The following ZFHX4 variants were observed in gnomAD, a reference collection of about 807,000 sequenced individuals.
ZFHX4 encodes zinc finger homeobox 4.
Under a neutral mutation model 267.6 loss-of-function variants are expected in ZFHX4, and 56 were observed. That is an observed-to-expected ratio of 0.21 (90% CI 0.17 to 0.26). The LOEUF (loss-of-function observed/expected upper bound fraction) is 0.26. Among genes scored for constraint, ZFHX4 ranks in the 10% least tolerant of loss-of-function variants. The pLI is 1.00. For synonymous variants in ZFHX4, 1,778 were observed against 1,665.6 expected (o/e 1.07, Z -1.64); for missense variants, 4,332 against 4,420.0 (o/e 0.98, Z 0.56).
intron 4 of ZFHX4, among the ~76,000 whole-genome samples, chr8:76,796,931 A>G (rs138704273): frequency 2.0e-5 from 3 of 152,296 alleles, no homozygotes; most frequent in African/African-American, 7.2e-5. Context: ...AACTAAGGCT[A>G]AAATGTCCAA....
intron 3 of ZFHX4, among the ~76,000 whole-genome samples, chr8:76,732,684 C>T (rs1249729872): frequency 1.3e-5 from 2 of 152,128 alleles, no homozygotes; most frequent in East Asian, 1.9e-4. Context: ...GTTTTGAAAG[C>T]ATGACTTCCT....
intron 5 of ZFHX4, among the ~76,000 whole-genome samples, chr8:76,840,379 A>G (rs929046430): frequency 6.6e-6 from 1 of 152,150 alleles, no homozygotes; most frequent in Non-Finnish European, 1.5e-5. Flanking sequence ...GTTCACATTC[A>G]GATTTCTCAA....
intron 4 of ZFHX4, among the ~76,000 whole-genome samples, chr8:76,825,188 C>A (rs1426073907): frequency 1.3e-5 from 2 of 152,202 alleles, no homozygotes; most frequent in Non-Finnish European, 2.9e-5. Context: ...CAGGATTGAT[C>A]AAAGCCAGAG....
chr8:76,795,783 C>T (rs577676139), intron 4 of ZFHX4, among the ~76,000 whole-genome samples: 8 of 152,116 alleles, frequency 5.3e-5, no homozygotes, highest in Admixed American at 1.3e-4. Context: ...GTGATCCGCC[C>T]GCCTCCAAGT....
chr8:76,847,082 G>A (rs1387205759), intron 6 of ZFHX4, among the ~76,000 whole-genome samples: 2 of 152,070 alleles, frequency 1.3e-5, no homozygotes, highest in Non-Finnish European at 2.9e-5. Context: ...GATAGACATT[G>A]GTTGATTTAA....
rs1480144968 is a variant in ZFHX4, at chr8:76,852,444, A to G, written c.5523A>G (p.Ile1841Met). ...TATTGAAACAAGAGCAAAGTAACATAGTGAGTGCAGACTGCCAAATCATGA... is the reference window on the plus strand; with the variant it reads ...TATTGAAACAAGAGCAAAGTAACATGGTGAGTGCAGACTGCCAAATCATGA... The part of the protein sequence containing the change: ...SKLLKQEQSN[I>M]VSADCQIMKD... The change falls in exon 10 of 11, where the codon ATA (isoleucine) becomes ATG (methionine). Residue 1841 changes from isoleucine to methionine, a missense_variant. This residue lies in a region of ZFHX4 where 1,371 missense variants were observed against 1,423.1 expected (regional missense o/e 0.96). Coordinates refer to ENST00000651372, the MANE Select transcript of ZFHX4 (RefSeq NM_024721.5). The G allele has an allele frequency of 6.4e-7, 1 of 1,564,206 alleles. No homozygotes were observed. The highest frequency in any genetic ancestry group is 8.7e-7 in the Non-Finnish European group (1 of 1,153,914).
chr8:76,690,031 C>A (rs1002459176), intron 1 of ZFHX4, among the ~76,000 whole-genome samples: 4 of 152,036 alleles, frequency 2.6e-5, no homozygotes, highest in Non-Finnish European at 4.4e-5. Context: ...TAGCGGTTCA[C>A]ACACCAGCAT....
Position 76,807,191 on chromosome 8 carries a change from A to AT in ZFHX4, c.3326-26139dup, listed in dbSNP as rs376563048. ...TTTTATCTGAACATTTGAATCTGTG[A>AT]TTTTTTTTACTCCCATCCACTCCAA... is the stretch of plus-strand genomic sequence containing the variant. On this transcript the variant is annotated intron_variant, in intron 4 of 10. Transcript: ENST00000651372. Among the ~76,000 whole-genome samples the AT allele has an allele frequency of 7.8e-3, 1,191 of 151,902 alleles. 15 individuals carry two copies. Among genetic ancestry groups the AT allele is most frequent in the African/African-American group, 0.028 (1,144 of 41,450 alleles).
intron 4 of ZFHX4, among the ~76,000 whole-genome samples, chr8:76,790,642 A>G (rs994198975): frequency 1.3e-5 from 2 of 152,140 alleles, no homozygotes; most frequent in Admixed American, 1.3e-4. Flanking sequence ...TAATGAATCA[A>G]GTTTGGTCTT....
At chr8:76,850,583 G>T (rs1322758822) in intron 9 of ZFHX4, among the ~76,000 whole-genome samples, 3 of 152,194 alleles carry the variant, frequency 2.0e-5, no homozygotes, top group African/African-American at 7.2e-5. Context: ...AATTCTGTGT[G>T]ATCTAATTCA....
chr8:76,704,249 A>G lies in ZFHX4; in HGVS notation c.161A>G (p.Asp54Gly), dbSNP rs1242445444. Residue 54 changes from aspartate to glycine, a missense_variant, in exon 2 of 11, where the codon GAT becomes GGT. By Grantham distance (94) the Asp-to-Gly change is moderately conservative (BLOSUM62 -1). Around this residue, in one of 7 missense-constraint regions of ZFHX4, gnomAD observed 1,195 missense variants for 1,173.6 expected, o/e 1.02. Coordinates refer to ENST00000651372, the MANE Select transcript of ZFHX4 (RefSeq NM_024721.5). Reference sequence around the variant, plus strand: ...TCCACAGATGACAACCTGAAAACGGATGAGCGCAAAAGTGAAGCCTTGCTG... The same window carrying G: ...TCCACAGATGACAACCTGAAAACGGGTGAGCGCAAAAGTGAAGCCTTGCTG... ...NSSTDDNLKT[D>G]ERKSEALLGF... 6.2e-7 allele frequency: 1 copy of G among 1,614,036 alleles called. No homozygotes were observed. Among genetic ancestry groups the G allele is most frequent in the Non-Finnish European group, 8.5e-7 (1 of 1,179,886 alleles).
Position 76,705,941 on chromosome 8 carries a change from G to A in ZFHX4, c.1853G>A (p.Cys618Tyr), listed in dbSNP as rs1253903516. ...SPGSGIECPKCDTVLGSSRSL... is the reference protein window; with the variant it reads ...SPGSGIECPKYDTVLGSSRSL... Reference sequence around the variant, plus strand: ...GGCAGTGGCATCGAGTGTCCAAAGTGCGACACTGTGTTGGGGTCTTCGAGG... The same window carrying A: ...GGCAGTGGCATCGAGTGTCCAAAGTACGACACTGTGTTGGGGTCTTCGAGG... Residue 618 changes from cysteine (C) to tyrosine (Y), a missense_variant, in exon 2 of 11, where the codon TGC becomes TAC. Coordinates refer to ENST00000651372, the MANE Select transcript of ZFHX4 (RefSeq NM_024721.5). 6.2e-7 allele frequency: 1 copy of A among 1,613,394 alleles called. No homozygotes were observed. The highest frequency in any genetic ancestry group is 8.5e-7 in the Non-Finnish European group (1 of 1,179,820).
At position 76,863,535 on chromosome 8, in the gene ZFHX4, T is replaced by G. The variant is rs1325348532; in HGVS notation, c.9821T>G (p.Phe3274Cys). Reference protein sequence around the residue: ...PYFIPGFASYFTPQLPGTVQG... With the variant: ...PYFIPGFASYCTPQLPGTVQG... ...TTTATCCCTGGGTTTGCTTCTTATT[T>G]TACACCTCAGCTCCCTGGAACAGTG... is the stretch of plus-strand genomic sequence containing the variant. The change falls in exon 11 of 11, where the codon TTT becomes TGT. Residue 3274 changes from phenylalanine to cysteine, a missense_variant. Physicochemically the swap from Phe to Cys is radical, Grantham distance 205 (BLOSUM62 -2). Around this residue, in one of 7 missense-constraint regions of ZFHX4, gnomAD observed 1,648 missense variants for 1,625.0 expected, o/e 1.01. Transcript: ENST00000651372. The G allele has an allele frequency of 6.2e-7, 1 of 1,613,474 alleles. No homozygotes were observed. The highest frequency in any genetic ancestry group is 2.2e-5 in the East Asian group (1 of 44,874).
rs567446789 is a variant in ZFHX4 at position 76,781,661 on chromosome 8, A to G, written c.3325+3222A>G. On this transcript the variant is annotated intron_variant, in intron 4 of 10. Coordinates refer to ENST00000651372, the MANE Select transcript of ZFHX4 (RefSeq NM_024721.5). ...CTTAAACATAAGCATTTCCCTTGGC[A>G]TCAAGTGTAAGCAAATTTCTAGTGA... Among the ~76,000 whole-genome samples the G allele has an allele frequency of 5.2e-4, 79 of 152,188 alleles. 1 individual carries two copies. Among genetic ancestry groups the G allele is most frequent in the African/African-American group, 1.8e-3 (76 of 41,558 alleles).
intron 4 of ZFHX4, 52 bp downstream of exon 4, chr8:76,778,491 TCA>T (rs1491079901): frequency 7.9e-3 from 9,611 of 1,224,164 alleles, no homozygotes; most frequent in Non-Finnish European, 9.0e-3. Context: ...CACCACTTCA[TCA>T]CACACACACA....
chr8:76,778,635 C>A (rs2131773837), intron 4 of ZFHX4, among the ~76,000 whole-genome samples, 196 bp downstream of exon 4: 1 of 152,226 alleles, frequency 6.6e-6, no homozygotes, highest in South Asian at 2.1e-4. Context: ...ATATCAGTAC[C>A]ATACGCGGTC....
chr8:76,784,310 C>T (rs1044839237), intron 4 of ZFHX4, among the ~76,000 whole-genome samples: 2 of 151,108 alleles, frequency 1.3e-5, no homozygotes, highest in African/African-American at 4.9e-5. Context: ...TAAGTTTTAC[C>T]AGGTTTAGAC....
At position 76,853,767 on chromosome 8, in the gene ZFHX4, A is replaced by G. The variant is rs780806441; in HGVS notation, c.6846A>G (p.Arg2282=). 2.5e-6 allele frequency: 4 copies of G among 1,613,758 alleles called. No homozygotes were observed. The highest frequency in any genetic ancestry group is 1.6e-4 in the Middle Eastern group (1 of 6,062). ...TCCAGAATGCTCGTCAGAAAGCACG[A>G]AAGAGTTATGAGAATCAAGCAGAAA... ...VWFQNARQKA[R]KSYENQAETK... Residue 2282 remains arginine, a synonymous_variant, in exon 10 of 11, where the codon CGA becomes CGG. Transcript: ENST00000651372.
chr8:76,833,218 T>G (rs1811981129), intron 4 of ZFHX4, 120 bp from the exon 5 acceptor site: 2 of 700,336 alleles, frequency 2.9e-6, no homozygotes, highest in Middle Eastern at 2.4e-4. Flanking sequence ...GAGACTCACC[T>G]GAGCTTCACC....
Sources: allele counts gnomAD v4.1 joint callset (sites outside exome capture counted in the v4.1 genomes callset), GRCh38; gene constraint gnomAD v4.1.1; regional missense constraint gnomAD v4.1.1; transcripts MANE v1.5; gene names NCBI Gene and HGNC (gene_info 2026-07-23, HGNC 2026-07-21).